Variants in CSTPP1 observed in about 807,000 individuals in gnomAD.
CSTPP1 encodes centriolar satellite-associated tubulin polyglutamylase complex regulator 1.
the CSTPP1 span, among the ~76,000 whole-genome samples, chr11:47,086,234 C>CAAAAAAAAAA: frequency 2.9e-3 from 256 of 89,238 alleles, 7 homozygotes; most frequent in East Asian, 9.5e-3. Context: ...ACTAAAAATC[C>CAAAAAAAAAA]AAAAAAAAAA....
chr11:46,948,164 C>T, the CSTPP1 span: 11 of 456,106 alleles, frequency 2.4e-5, no homozygotes, highest in South Asian at 6.2e-5. Flanking sequence ...CAAATTGACA[C>T]GTAAGTAGGC....
the CSTPP1 span, among the ~76,000 whole-genome samples, chr11:47,093,533 C>T: frequency 6.6e-6 from 1 of 152,176 alleles, no homozygotes; most frequent in Non-Finnish European, 1.5e-5. Context: ...GATGAACAAA[C>T]AATACTTAAG....
the CSTPP1 span, among the ~76,000 whole-genome samples, chr11:47,147,246 A>G: frequency 1.3e-5 from 2 of 152,348 alleles, no homozygotes; most frequent in Admixed American, 6.5e-5. Context: ...TCCTTTAAAT[A>G]AAAAATGATG....
chr11:47,159,387 G>A, the CSTPP1 span, among the ~76,000 whole-genome samples: 1 of 152,102 alleles, frequency 6.6e-6, no homozygotes, highest in Non-Finnish European at 1.5e-5. Context: ...GCCCGCACCT[G>A]TAATCCCAGC....
At chr11:47,081,008 CA>C in the CSTPP1 span, among the ~76,000 whole-genome samples, 11,426 of 79,736 alleles carry the variant, frequency 0.14, 413 homozygotes, top group Non-Finnish European at 0.15. Flanking sequence ...GACCCCATCT[CA>C]AAAAAAAAAA....
the CSTPP1 span, among the ~76,000 whole-genome samples, chr11:46,993,638 C>A: frequency 2.0e-5 from 3 of 151,022 alleles, no homozygotes; most frequent in African/African-American, 7.4e-5. Flanking sequence ...TGGTCTATAT[C>A]TCTGTTTTGG....
At chr11:47,113,031 C>T in the CSTPP1 span, among the ~76,000 whole-genome samples, 161 of 152,214 alleles carry the variant, frequency 1.1e-3, no homozygotes, top group Non-Finnish European at 1.9e-3. Context: ...TGATGTTCCC[C>T]GCCCTGTGTC....
the CSTPP1 span, among the ~76,000 whole-genome samples, chr11:47,144,935 T>C: frequency 6.6e-6 from 1 of 150,688 alleles, no homozygotes; most frequent in African/African-American, 2.4e-5. Context: ...ACTGATGGTC[T>C]GGGAAACACA....
the CSTPP1 span, among the ~76,000 whole-genome samples, chr11:46,963,679 G>A: frequency 1.1e-4 from 17 of 151,836 alleles, no homozygotes; most frequent in African/African-American, 3.6e-4. Flanking sequence ...CAGCTACTCC[G>A]GAGGCTGAGG....
chr11:46,953,733 TA>T, the CSTPP1 span, among the ~76,000 whole-genome samples: 1 of 152,238 alleles, frequency 6.6e-6, no homozygotes, highest in African/African-American at 2.4e-5. Context: ...AATTCATAAG[TA>T]AGAATTTTCT....
the CSTPP1 span, among the ~76,000 whole-genome samples, chr11:47,080,476 T>A: frequency 2.0e-5 from 3 of 152,128 alleles, no homozygotes; most frequent in African/African-American, 7.2e-5. Context: ...ATTTCACTAT[T>A]TACTCTTTGC....
At chr11:47,120,903 A>G in the CSTPP1 span, among the ~76,000 whole-genome samples, 3 of 152,200 alleles carry the variant, frequency 2.0e-5, no homozygotes, top group African/African-American at 7.2e-5. This position sits in a 1 kb window ranked among gnomAD's most constrained non-coding sequence, Gnocchi z 4.2. Flanking sequence ...GACGCAGAAG[A>G]GTTTTACAGT....
chr11:47,011,922 TAATA>T, the CSTPP1 span, among the ~76,000 whole-genome samples: 1 of 152,086 alleles, frequency 6.6e-6, no homozygotes. Flanking sequence ...CCTAGACATG[TAATA>T]AATAAATAAA....
the CSTPP1 span, among the ~76,000 whole-genome samples, chr11:47,021,472 G>A: frequency 6.6e-6 from 1 of 152,244 alleles, no homozygotes; most frequent in East Asian, 1.9e-4. Context: ...ATATCAACTT[G>A]CTTACCCTTT....
At chr11:47,088,761 G>C in the CSTPP1 span, among the ~76,000 whole-genome samples, 1 of 151,994 alleles carries the variant, frequency 6.6e-6, no homozygotes, top group Non-Finnish European at 1.5e-5. Flanking sequence ...GTCCAGGCTG[G>C]TCTCGAACTC....
the CSTPP1 span, among the ~76,000 whole-genome samples, chr11:47,009,369 A>G: frequency 1.3e-5 from 2 of 152,226 alleles, no homozygotes; most frequent in Admixed American, 6.5e-5. Flanking sequence ...AGAAAATATC[A>G]TACACTGCAA....
At chr11:47,137,271 A>T in the CSTPP1 span, 900 of 1,306,280 alleles carry the variant, frequency 6.9e-4, 1 homozygote, top group Middle Eastern at 7.7e-3. Flanking sequence ...CATGCCAGAG[A>T]ATTTCAGCAA....
the CSTPP1 span, among the ~76,000 whole-genome samples, chr11:47,111,550 CCACCCCACTCCA>C: frequency 3.3e-5 from 5 of 152,072 alleles, no homozygotes; most frequent in African/African-American, 9.7e-5. Flanking sequence ...TTAGCCAAGC[CCACCCCACTCCA>C]CACCCCACTC....
chr11:47,055,988 G>C, the CSTPP1 span, among the ~76,000 whole-genome samples: 32 of 152,232 alleles, frequency 2.1e-4, no homozygotes, highest in Non-Finnish European at 4.1e-4. Flanking sequence ...TATGTTATCA[G>C]AGGTTATCTT....
Sources: gnomAD v4.1 joint callset for allele counts (sites outside exome capture counted in the v4.1 genomes callset) on GRCh38, gnomAD v4.1.1 for gene constraint, Gnocchi (gnomAD v3.1) non-coding constraint, MANE v1.5 for transcripts, NCBI Gene and HGNC (gene_info 2026-07-23, HGNC 2026-07-21) for gene names.